PARD3B: variants seen among roughly 807,000 people sequenced by gnomAD.
PARD3B encodes the protein partitioning defective 3 homolog B.
In PARD3B, 103 loss-of-function variants were observed where a neutral mutation model predicts 130.2. That is an observed-to-expected ratio of 0.79 (90% CI 0.67 to 0.93). PARD3B has a LOEUF of 0.93. Among genes scored for constraint, PARD3B ranks in the 40% least tolerant of loss-of-function variants. The pLI, the probability that PARD3B is intolerant of heterozygous loss-of-function variation, is 0.00. For synonymous variants in PARD3B, 583 were observed against 553.2 expected (o/e 1.05, Z -0.76); for missense variants, 1,609 against 1,499.2 (o/e 1.07, Z -1.21).
rs906750340 is a variant in PARD3B, at chr2:204,669,881, A to G, written c.121-16300A>G. On this transcript the variant is annotated intron_variant, in intron 1 of 22. Coordinates refer to ENST00000406610, the MANE Select transcript of PARD3B (RefSeq NM_001302769.2). The surrounding 1 kb of genome is among the most constrained non-coding windows in gnomAD (Gnocchi z 4.3). ...CAGAATAAACATAGTCATTTATTAA[A>G]GATAAAGGTAACCACTAAAGGGAAT... Among the ~76,000 whole-genome samples the G allele has an allele frequency of 6.6e-6, 1 of 152,184 alleles. No individual in the cohort carries two copies. Among genetic ancestry groups the G allele is most frequent in the African/African-American group, 2.4e-5 (1 of 41,456 alleles).
At chr2:204,785,175 T>C (rs977932927) in intron 2 of PARD3B, among the ~76,000 whole-genome samples, 49 of 152,248 alleles carry the variant, frequency 3.2e-4, no homozygotes, top group Non-Finnish European at 5.9e-4. Flanking sequence ...TTTTTCTAAA[T>C]GCTTAATCAG....
intron 20 of PARD3B, among the ~76,000 whole-genome samples, chr2:205,483,038 C>T (rs1046847903): frequency 1.3e-5 from 2 of 152,214 alleles, no homozygotes; most frequent in Middle Eastern, 3.4e-3. Context: ...TTACATGCTG[C>T]TTCAGTGTAA....
chr2:205,046,579 C>G (rs1250808144), intron 3 of PARD3B, among the ~76,000 whole-genome samples: 1 of 150,472 alleles, frequency 6.6e-6, no homozygotes, highest in Non-Finnish European at 1.5e-5. Context: ...TGTTAAAGCA[C>G]ACATAAAAAC....
In PARD3B at chr2:205,187,873, A is replaced by G. The variant is rs2036185609; in HGVS notation, c.2024+2010A>G. Among the ~76,000 whole-genome samples, 1 of 152,134 alleles carries G rather than the reference A, an allele frequency of 6.6e-6. No homozygotes were observed. The highest frequency in any genetic ancestry group is 2.1e-4 in the South Asian group (1 of 4,820). Reference sequence around the variant, plus strand: ...TAATCATCAACGGTAATCTCCTTTCAGTCAAAAGTATGACGTTGTCTTAGA... The same window carrying G: ...TAATCATCAACGGTAATCTCCTTTCGGTCAAAAGTATGACGTTGTCTTAGA... On this transcript the variant is annotated intron_variant, in intron 14 of 22. Coordinates refer to ENST00000406610, the MANE Select transcript of PARD3B (RefSeq NM_001302769.2). The surrounding 1 kb of genome is among the most constrained non-coding windows in gnomAD (Gnocchi z 4.9).
chr2:205,342,041 G>A (rs904008616), intron 18 of PARD3B, among the ~76,000 whole-genome samples: 30 of 152,122 alleles, frequency 2.0e-4, no homozygotes, highest in East Asian at 5.8e-4. Flanking sequence ...TTCCATCTGG[G>A]CATGGAACTG....
At chr2:205,493,762 ATTTATTTAT>A (rs2049820704) in intron 20 of PARD3B, among the ~76,000 whole-genome samples, 2 of 117,642 alleles carry the variant, frequency 1.7e-5, no homozygotes, top group Non-Finnish European at 3.7e-5. Flanking sequence ...TTATTTATTT[ATTTATTTAT>A]TTTTGAGGCA....
intron 16 of PARD3B, among the ~76,000 whole-genome samples, chr2:205,289,483 C>G (rs1254312843): frequency 6.6e-6 from 1 of 152,176 alleles, no homozygotes. Context: ...CTATCATTAT[C>G]TCTGTTTTAC....
chr2:205,546,355 T>C (rs544973914), intron 21 of PARD3B, among the ~76,000 whole-genome samples: 93 of 152,256 alleles, frequency 6.1e-4, no homozygotes, highest in Non-Finnish European at 1.1e-3. Context: ...ATTTCTGTTA[T>C]GGCTTAAGTC....
At chr2:205,551,839 A>T (rs2052659161) in intron 21 of PARD3B, among the ~76,000 whole-genome samples, 1 of 152,162 alleles carries the variant, frequency 6.6e-6, no homozygotes, top group Non-Finnish European at 1.5e-5. Context: ...TGACACTGTT[A>T]GTTCCTTCCT....
intron 20 of PARD3B, among the ~76,000 whole-genome samples, chr2:205,469,644 C>A (rs1362048510): frequency 6.6e-6 from 1 of 152,158 alleles, no homozygotes; most frequent in Non-Finnish European, 1.5e-5. Flanking sequence ...CTCTACTTGG[C>A]AATTACCTTT....
At position 204,978,192 on chromosome 2, in the gene PARD3B, G is replaced by T. The variant is rs113614114; in HGVS notation, c.394+12869G>T. Among the ~76,000 whole-genome samples, 17 of 152,174 alleles carry T rather than the reference G, an allele frequency of 1.1e-4. 1 individual carries two copies. Among genetic ancestry groups the T allele is most frequent in the Non-Finnish European group, 1.6e-4 (11 of 68,042 alleles). On this transcript the variant is annotated intron_variant, in intron 3 of 22. Coordinates refer to ENST00000406610, the MANE Select transcript of PARD3B (RefSeq NM_001302769.2). ...AGACTGGGGAGTGGCATTGGAGAGA[G>T]TAACCAACACAAACATCTAGTCTGT...
At chr2:205,040,487 T>C (rs1453442237) in intron 3 of PARD3B, among the ~76,000 whole-genome samples, 2 of 152,154 alleles carry the variant, frequency 1.3e-5, no homozygotes, top group African/African-American at 4.8e-5. Flanking sequence ...TTCAAACTCA[T>C]TCAACAGTTG....
intron 18 of PARD3B, among the ~76,000 whole-genome samples, chr2:205,389,747 T>C (rs2045786469): frequency 6.6e-6 from 1 of 152,232 alleles, no homozygotes; most frequent in African/African-American, 2.4e-5. Context: ...TATATTTATT[T>C]GATACTTTAG....
At chr2:204,794,377 C>T (rs116364391) in intron 2 of PARD3B, among the ~76,000 whole-genome samples, 1 of 152,152 alleles carries the variant, frequency 6.6e-6, no homozygotes, top group African/African-American at 2.4e-5. Flanking sequence ...TCATGATGCA[C>T]TAGCGTATGG....
intron 22 of PARD3B, among the ~76,000 whole-genome samples, chr2:205,559,596 C>CTT (rs11319522): frequency 4.1e-5 from 3 of 72,836 alleles, no homozygotes; most frequent in South Asian, 5.1e-4. Flanking sequence ...GAAGTCCAGA[C>CTT]TTTTTTTTTT....
Position 205,596,507 on chromosome 2 carries a change from C to T in PARD3B, c.3261-18949C>T, listed in dbSNP as rs567345284. Among the ~76,000 whole-genome samples, 113 of 152,262 alleles carry T rather than the reference C, an allele frequency of 7.4e-4. No individual in the cohort carries two copies. The Middle Eastern group carries it at 0.017, about 23-fold the overall frequency. ...CCAGGCCCAGCTTGGGGCTTTGGAA[C>T]CAGCTTAGCATAGACTGAAATGAAG... On this transcript the variant is annotated intron_variant, in intron 22 of 22. Transcript: ENST00000406610.
At chr2:204,549,502 C>T (rs1444603478) in intron 1 of PARD3B, among the ~76,000 whole-genome samples, 1 of 152,160 alleles carries the variant, frequency 6.6e-6, no homozygotes, top group Non-Finnish European at 1.5e-5. Context: ...CTAATTTTCA[C>T]ATTAAACATT....
At position 204,610,931 on chromosome 2, in the gene PARD3B, TACACTG is replaced by T. The variant is rs1229612166; in HGVS notation, c.120+64814_120+64819del. On this transcript the variant is annotated intron_variant, in intron 1 of 22. Coordinates refer to ENST00000406610, the MANE Select transcript of PARD3B (RefSeq NM_001302769.2). The surrounding 1 kb of genome is among the most constrained non-coding windows in gnomAD (Gnocchi z 4.1). ...AAGATTCCAAAGACATTTTACAATG[TACACTG>T]AAAATGATTGTTCCCAAACTGCATT... Among the ~76,000 whole-genome samples, 2 of 152,236 alleles carry T rather than the reference TACACTG, an allele frequency of 1.3e-5. No individual in the cohort carries two copies. Among genetic ancestry groups the T allele is most frequent in the Non-Finnish European group, 2.9e-5 (2 of 68,040 alleles).
At chr2:205,370,469 C>G (rs1404317642) in intron 18 of PARD3B, among the ~76,000 whole-genome samples, 1 of 152,098 alleles carries the variant, frequency 6.6e-6, no homozygotes, top group Non-Finnish European at 1.5e-5. Context: ...ATATCCTGGA[C>G]CAGTTCAGGA....
Sources: gnomAD v4.1 joint callset for allele counts (sites outside exome capture counted in the v4.1 genomes callset) on GRCh38, gnomAD v4.1.1 for gene constraint, Gnocchi (gnomAD v3.1) non-coding constraint, MANE v1.5 for transcripts, NCBI Gene and HGNC (gene_info 2026-07-23, HGNC 2026-07-21) for gene names.